The following BSDC1 variants were observed in gnomAD, a reference collection of about 807,000 sequenced individuals.
BSDC1 encodes the protein BSD domain-containing protein 1.
BSDC1 carries 29 observed loss-of-function variants against 56.0 expected under a neutral mutation model. The ratio of observed to expected loss-of-function variants is 0.52; its 90% CI spans 0.39 to 0.71. The LOEUF is 0.71. BSDC1 is among the 30% of genes least tolerant of loss of function. The pLI, the probability that BSDC1 is intolerant of heterozygous loss-of-function variation, is 0.00. For missense variants in BSDC1, 477 were observed against 548.5 expected (o/e 0.87, Z 1.30); for synonymous variants, 210 against 215.3 (o/e 0.98, Z 0.21).
At chr1:32,392,349 CAA>C (rs936956545) in intron 2 of BSDC1, among the ~76,000 whole-genome samples, 1 of 151,942 alleles carries the variant, frequency 6.6e-6, no homozygotes, top group South Asian at 2.1e-4. Context: ...AAACAAAAAA[CAA>C]AAAACACTTG....
At chr1:32,371,538 C>G (rs1557637277) in intron 9 of BSDC1, among the ~76,000 whole-genome samples, 1 of 151,952 alleles carries the variant, frequency 6.6e-6, no homozygotes, top group Non-Finnish European at 1.5e-5. Context: ...TCTCGATCTC[C>G]TGACCTCGTG....
intron 10 of BSDC1, chr1:32,368,095 C>A: frequency 1.5e-6 from 2 of 1,316,268 alleles, no homozygotes; most frequent in East Asian, 3.2e-5. Context: ...TGGTCTTGAA[C>A]TCCTCGCCTC....
chr1:32,376,595 TCA>T lies in BSDC1; in HGVS notation c.821_822del (p.Val274AspfsTer7). On this transcript the variant is annotated frameshift_variant, in exon 9 of 11. Coordinates refer to ENST00000455895, the MANE Select transcript of BSDC1 (RefSeq NM_018045.8). LOFTEE classifies it high-confidence loss of function. ...ATGCTCTCACTGCTCTCTGATGGAGTCACCTCTGCTGGGGGCTCAACTGAAGT... is the reference window on the plus strand; with the variant it reads ...ATGCTCTCACTGCTCTCTGATGGAGTCCTCTGCTGGGGGCTCAACTGAAGT... ...LVTSVEPPAE[V>X]TPSESSESIS... 1 of 1,491,950 alleles carries T rather than the reference TCA, an allele frequency of 6.7e-7. No individual in the cohort carries two copies. Among genetic ancestry groups the T allele is most frequent in the Non-Finnish European group, 9.0e-7 (1 of 1,108,352 alleles). The allele number at this position is 1,491,950 out of a possible 1,614,324, so 92.4% of individuals were successfully genotyped here.
intron 2 of BSDC1, among the ~76,000 whole-genome samples, chr1:32,393,182 TTTCCCACAA>T (rs1365198013): frequency 6.6e-6 from 1 of 152,194 alleles, no homozygotes; most frequent in East Asian, 1.9e-4. Context: ...GTAATCAACT[TTTCCCACAA>T]TTCAGTTGGG....
intron 9 of BSDC1, among the ~76,000 whole-genome samples, chr1:32,368,801 C>T (rs539674734): frequency 2.6e-5 from 4 of 152,072 alleles, no homozygotes; most frequent in Non-Finnish European, 2.9e-5. Flanking sequence ...CAGGTTCAAG[C>T]GATTCTCCTG....
At chr1:32,367,134 C>T in intron 10 of BSDC1, 5 of 986,108 alleles carry the variant, frequency 5.1e-6, no homozygotes, top group Non-Finnish European at 6.0e-6. Flanking sequence ...TGGCCAAAAG[C>T]AGAGGTGGCA....
chr1:32,381,408 T>C lies in BSDC1; in HGVS notation c.358-140A>G, dbSNP rs2148128439. The stretch of plus-strand genomic sequence containing the variant: ...GGATACCCCCAGGGCATCTGTTAAT[T>C]AGCACTGTGGCACAGAGAGTGGGGC... On this transcript the variant is annotated intron_variant, in intron 4 of 10. Transcript: ENST00000455895. The C allele has an allele frequency of 4.9e-6, 4 of 821,076 alleles. No individual in the cohort carries two copies. In the South Asian group the frequency reaches 6.3e-5, roughly 13 times the overall value. The allele number at this position is 821,076 out of a possible 1,614,324, so 50.9% of individuals were successfully genotyped here.
chr1:32,387,475 G>A (rs1642714733), intron 2 of BSDC1, among the ~76,000 whole-genome samples: 1 of 152,108 alleles, frequency 6.6e-6, no homozygotes, highest in Non-Finnish European at 1.5e-5. Context: ...CCGAGTAGCT[G>A]GGATTACAGG....
chr1:32,365,169 T>C lies in BSDC1; in HGVS notation c.*1453A>G, dbSNP rs1391324520. The C allele has an allele frequency of 1.3e-5, 2 of 152,222 alleles. No individual in the cohort carries two copies. The highest frequency in any genetic ancestry group is 4.8e-5 in the African/African-American group (2 of 41,462). The allele number at this position is 152,222 out of a possible 1,614,324, so 9.4% of individuals were successfully genotyped here. ...GTCTGTAAAAGGTTCAGGACAAAGTTCTTTTTTCTTTCTTTTTTAATTATA... is the reference window on the plus strand; with the variant it reads ...GTCTGTAAAAGGTTCAGGACAAAGTCCTTTTTTCTTTCTTTTTTAATTATA... On this transcript the variant is annotated 3_prime_UTR_variant, in exon 11 of 11. Transcript: ENST00000455895.
chr1:32,371,077 T>C (rs1642063846), intron 9 of BSDC1, among the ~76,000 whole-genome samples: 2 of 152,008 alleles, frequency 1.3e-5, no homozygotes, highest in East Asian at 3.9e-4. Flanking sequence ...ATTAAAAAGA[T>C]ATATATAAAA....
intron 9 of BSDC1, among the ~76,000 whole-genome samples, chr1:32,375,592 T>C (rs2496): frequency 0.024 from 3,615 of 152,302 alleles, 72 homozygotes; most frequent in Non-Finnish European, 0.035. Context: ...TAAAATTCCA[T>C]TACACAGATA....
intron 9 of BSDC1, among the ~76,000 whole-genome samples, chr1:32,372,484 T>G (rs1211508279): frequency 6.6e-6 from 1 of 152,204 alleles, no homozygotes; most frequent in East Asian, 1.9e-4. Context: ...CCACTAACAT[T>G]TCTGGAATAT....
chr1:32,368,362 G>A (rs1187324979), intron 10 of BSDC1, 85 bp downstream of exon 10: 5 of 1,614,016 alleles, frequency 3.1e-6, no homozygotes, highest in Non-Finnish European at 4.2e-6. Flanking sequence ...GGACCCTCCT[G>A]AGGGGACAGC....
intron 9 of BSDC1, 129 bp downstream of exon 9, chr1:32,376,133 G>T: frequency 1.0e-6 from 1 of 976,400 alleles, no homozygotes; most frequent in Non-Finnish European, 1.4e-6. Context: ...ATATATAGCA[G>T]CTGTCATCAT....
intron 3 of BSDC1, 146 bp downstream of exon 3, chr1:32,386,633 C>A: frequency 1.9e-6 from 1 of 524,186 alleles, no homozygotes; most frequent in Admixed American, 3.8e-5. Context: ...GGTTGCCAGA[C>A]ACAATTCTTT....
At chr1:32,371,699 C>T (rs555653486) in intron 9 of BSDC1, among the ~76,000 whole-genome samples, 4 of 152,104 alleles carry the variant, frequency 2.6e-5, no homozygotes, top group African/African-American at 9.6e-5. Context: ...TCTTCTTCTC[C>T]GACCTACTCC....
chr1:32,380,511 T>G (rs1003097181), intron 5 of BSDC1, among the ~76,000 whole-genome samples: 3 of 152,056 alleles, frequency 2.0e-5, no homozygotes, highest in Non-Finnish European at 4.4e-5. Flanking sequence ...CCAGATGTGG[T>G]GGCGGGCGCC....
intron 3 of BSDC1, among the ~76,000 whole-genome samples, chr1:32,384,574 T>A (rs1642602606): frequency 6.6e-6 from 1 of 152,176 alleles, no homozygotes; most frequent in African/African-American, 2.4e-5. Context: ...AATTTCATCA[T>A]CATCATTGCT....
chr1:32,392,242 G>C lies in BSDC1; in HGVS notation c.72+1838C>G, dbSNP rs1642891707. 2.0e-5 allele frequency among the ~76,000 whole-genome samples: 3 copies of C among 152,166 alleles called. No individual in the cohort carries two copies. The South Asian group carries it at 6.2e-4, about 32-fold the overall frequency. On this transcript the variant is annotated intron_variant, in intron 2 of 10. Coordinates refer to ENST00000455895, the MANE Select transcript of BSDC1 (RefSeq NM_018045.8). ...AGCTACTCAGGAGGCCGAGGCAGGA[G>C]AATCACTTGAACTCAGGAGGCGGAA...
Sources: allele counts gnomAD v4.1 joint callset (sites outside exome capture counted in the v4.1 genomes callset), GRCh38; gene constraint gnomAD v4.1.1; transcripts MANE v1.5; gene names NCBI Gene and HGNC (gene_info 2026-07-23, HGNC 2026-07-21).